IL23R: variants seen among roughly 807,000 people sequenced by gnomAD.
The protein encoded by IL23R is interleukin-23 receptor.
In IL23R, 34 loss-of-function variants were observed where a neutral mutation model predicts 56.9. That is an observed-to-expected ratio of 0.60 (90% CI 0.45 to 0.80). The LOEUF (loss-of-function observed/expected upper bound fraction) is 0.80. Among genes scored for constraint, IL23R ranks in the 30% least tolerant of loss-of-function variants. The pLI, the probability that IL23R is intolerant of heterozygous loss-of-function variation, is 0.00. For synonymous variants in IL23R, 230 were observed against 249.2 expected (o/e 0.92, Z 0.73); for missense variants, 635 against 730.0 (o/e 0.87, Z 1.50).
intron 9 of IL23R, among the ~76,000 whole-genome samples, chr1:67,245,012 T>TA (rs563232645): frequency 3.9e-4 from 59 of 152,332 alleles, no homozygotes; most frequent in African/African-American, 1.3e-3. Context: ...TAGTTCTTTT[T>TA]GAAGAGGTCT....
At position 67,191,384 on chromosome 1, in the gene IL23R, A is replaced by G. The variant is rs150992667; in HGVS notation, c.491+8425A>G. Among the ~76,000 whole-genome samples, 524 of 152,160 alleles carry G rather than the reference A, an allele frequency of 3.4e-3. 2 individuals are homozygous for G. Among genetic ancestry groups the G allele is most frequent in the South Asian group, 1.0e-2 (48 of 4,820 alleles). ...CTGCTATTGCTATGGATGAATTACCATTGCCCTAAGGTCAACTCTCCACTT... is the reference window on the plus strand; with the variant it reads ...CTGCTATTGCTATGGATGAATTACCGTTGCCCTAAGGTCAACTCTCCACTT... On this transcript the variant is annotated intron_variant, in intron 4 of 10. Transcript: ENST00000347310.
intron 6 of IL23R, among the ~76,000 whole-genome samples, chr1:67,216,688 A>G (rs1037336874): frequency 2.6e-5 from 4 of 152,202 alleles, no homozygotes; most frequent in Admixed American, 6.5e-5. Flanking sequence ...TTTTTAAAAA[A>G]AATTTCTTTC....
intron 1 of IL23R, among the ~76,000 whole-genome samples, chr1:67,150,651 G>GT (rs1491402095): frequency 1.2e-4 from 6 of 49,206 alleles, no homozygotes; most frequent in Non-Finnish European, 2.1e-4. Context: ...GGAACTTAAA[G>GT]TAAAAAAAAA....
intron 4 of IL23R, among the ~76,000 whole-genome samples, chr1:67,191,052 T>G (rs76231630): frequency 0.016 from 2,510 of 152,310 alleles, 28 homozygotes; most frequent in Non-Finnish European, 0.026. Flanking sequence ...GAGAGCTAAT[T>G]GTGGCTGGAG....
chr1:67,181,933 G>C (rs140707810), intron 3 of IL23R, among the ~76,000 whole-genome samples: 3,614 of 152,296 alleles, frequency 0.024, 133 homozygotes, highest in African/African-American at 0.082. Flanking sequence ...AGCAGTGGAG[G>C]CTGCAGAACA....
chr1:67,170,729 G>T (rs888118153), intron 3 of IL23R, among the ~76,000 whole-genome samples: 2 of 152,132 alleles, frequency 1.3e-5, no homozygotes, highest in Non-Finnish European at 2.9e-5. Flanking sequence ...CCACATTTTT[G>T]AGAATCAAGC....
chr1:67,162,143 TA>T (rs905318988), upstream of IL23R, among the ~76,000 whole-genome samples: 238 of 143,870 alleles, frequency 1.7e-3, no homozygotes, highest in East Asian at 4.0e-3. Context: ...ATCCAATGTT[TA>T]AAAAAAAAAA....
chr1:67,178,816 T>C (rs993574449), intron 3 of IL23R, among the ~76,000 whole-genome samples: 1 of 152,240 alleles, frequency 6.6e-6, no homozygotes, highest in Non-Finnish European at 1.5e-5. Context: ...TATTGAGAGT[T>C]TTTAGCATGA....
chr1:67,223,498 G>A (rs1650431383), intron 7 of IL23R, among the ~76,000 whole-genome samples: 1 of 152,134 alleles, frequency 6.6e-6, no homozygotes, highest in Non-Finnish European at 1.5e-5. Context: ...CACATTACAT[G>A]AGAAACAGTA....
chr1:67,244,280 T>C (rs1474062047), intron 9 of IL23R, among the ~76,000 whole-genome samples: 1 of 152,224 alleles, frequency 6.6e-6, no homozygotes, highest in Non-Finnish European at 1.5e-5. Flanking sequence ...ACTTTGATGA[T>C]AGTTTCTTTT....
At chr1:67,179,688 C>A (rs1647063006) in intron 3 of IL23R, among the ~76,000 whole-genome samples, 1 of 152,106 alleles carries the variant, frequency 6.6e-6, no homozygotes, top group Admixed American at 6.6e-5. Flanking sequence ...TCTTGCTTCT[C>A]CAGTTCTTTT....
chr1:67,146,763 A>G (rs911706684), intron 1 of IL23R, among the ~76,000 whole-genome samples: 5 of 152,250 alleles, frequency 3.3e-5, no homozygotes, highest in Non-Finnish European at 7.3e-5. Flanking sequence ...GATGTTCAAC[A>G]TGTCCAGACA....
chr1:67,181,566 C>A (rs1647142779), intron 3 of IL23R, among the ~76,000 whole-genome samples: 1 of 152,106 alleles, frequency 6.6e-6, no homozygotes, highest in African/African-American at 2.4e-5. Context: ...AACTTCTTTG[C>A]CATGGGTTCA....
chr1:67,227,766 T>C (rs1001109860), intron 7 of IL23R, among the ~76,000 whole-genome samples: 1 of 152,258 alleles, frequency 6.6e-6, no homozygotes, highest in Non-Finnish European at 1.5e-5. Flanking sequence ...TACTAACCCA[T>C]GTTAAACAGA....
chr1:67,218,590 T>C (rs1050617923), intron 6 of IL23R, among the ~76,000 whole-genome samples: 7 of 147,000 alleles, frequency 4.8e-5, no homozygotes, highest in African/African-American at 1.7e-4. Flanking sequence ...TAAAAGAGTA[T>C]ATTCCAAAAT....
chr1:67,200,803 A>G lies in IL23R; in HGVS notation c.558A>G (p.Leu186=). Residue 186 remains leucine, a synonymous_variant, in exon 5 of 11, where the codon TTA becomes TTG. Coordinates refer to ENST00000347310, the MANE Select transcript of IL23R (RefSeq NM_144701.3). ...ATATTAACATCTCCACTGATTCATT[A>G]CAAGGTGGCAAGAAGTACTTGGTTT... is the stretch of plus-strand genomic sequence containing the variant. ...SSYINISTDS[L]QGGKKYLVWV... 6.2e-7 allele frequency: 1 copy of G among 1,614,132 alleles called. No individual in the cohort carries two copies.
At chr1:67,152,026 G>A (rs1162139957) in intron 1 of IL23R, among the ~76,000 whole-genome samples, 1 of 152,144 alleles carries the variant, frequency 6.6e-6, no homozygotes, top group Non-Finnish European at 1.5e-5. Context: ...GATGGGAATA[G>A]GCTTGAATCT....
Position 67,200,481 on chromosome 1 carries a change from C to T in IL23R, c.492-256C>T, listed in dbSNP as rs566909366. 5.3e-5 allele frequency among the ~76,000 whole-genome samples: 8 copies of T among 151,750 alleles called. No homozygotes were observed. In the South Asian group the frequency reaches 8.3e-4, roughly 16 times the overall value. ...GACCTTGGCTCACTGCAGGCTCTGC[C>T]TCCCGGGTTCCAGCAATTCTCCTTT... On this transcript the variant is annotated intron_variant, in intron 4 of 10. Coordinates refer to ENST00000347310, the MANE Select transcript of IL23R (RefSeq NM_144701.3).
the IL23R span, among the ~76,000 whole-genome samples, chr1:67,265,378 TC>T: frequency 2.0e-5 from 3 of 152,214 alleles, no homozygotes; most frequent in African/African-American, 4.8e-5. Context: ...GTAATGACTC[TC>T]AGCAAATTAT....
Sources: gnomAD v4.1 joint callset for allele counts (sites outside exome capture counted in the v4.1 genomes callset) on GRCh38, gnomAD v4.1.1 for gene constraint, MANE v1.5 for transcripts, NCBI Gene and HGNC (gene_info 2026-07-23, HGNC 2026-07-21) for gene names.